RELN: variants seen among roughly 807,000 people sequenced by gnomAD.
The protein encoded by RELN is reelin.
Under a neutral mutation model 427.6 loss-of-function variants are expected in RELN, and 108 were observed. The observed-to-expected ratio is 0.25, with a 90% CI of 0.22 to 0.30. RELN has a LOEUF of 0.30. RELN is among the 10% of genes least tolerant of loss of function. RELN has a pLI of 1.00. For missense variants in RELN, 3,715 were observed against 4,302.8 expected (o/e 0.86, Z 3.82); for synonymous variants, 1,524 against 1,513.4 (o/e 1.01, Z -0.16).
chr7:103,981,644 A>G (rs1194412042), intron 1 of RELN, among the ~76,000 whole-genome samples: 1 of 152,210 alleles, frequency 6.6e-6, no homozygotes, highest in East Asian at 1.9e-4. Flanking sequence ...TTCTCACAAT[A>G]CAAGAAGTCC....
In RELN at chr7:103,651,850, G is replaced by T. The variant is rs1832922412; in HGVS notation, c.1764-61C>A. On this transcript the variant is annotated intron_variant, in intron 14 of 64. Transcript: ENST00000428762. ...GGAGGGTAAAGATAACAAATCAAAT[G>T]AAATTTTCAACTCTGGTTAAGTACA... 19 of 1,562,644 alleles carry T rather than the reference G, an allele frequency of 1.2e-5. No individual in the cohort carries two copies. The South Asian group carries it at 2.2e-4, about 18-fold the overall frequency.
intron 51 of RELN, among the ~76,000 whole-genome samples, chr7:103,509,545 A>G (rs1749788540): frequency 6.6e-6 from 1 of 152,228 alleles, no homozygotes; most frequent in Non-Finnish European, 1.5e-5. Context: ...CTAAAACCAT[A>G]AAAACCCTAA....
At chr7:103,912,879 G>A (rs953440786) in intron 2 of RELN, among the ~76,000 whole-genome samples, 1 of 152,054 alleles carries the variant, frequency 6.6e-6, no homozygotes, top group Non-Finnish European at 1.5e-5. Flanking sequence ...AGATTTACAT[G>A]ATTGAGCTGG....
chr7:103,771,940 C>T (rs557998081), intron 4 of RELN, among the ~76,000 whole-genome samples: 15 of 152,268 alleles, frequency 9.9e-5, no homozygotes, highest in African/African-American at 3.1e-4. Flanking sequence ...ACCCCCAACC[C>T]CCATTAGATT....
Position 103,543,402 on chromosome 7 carries a change from T to C in RELN, c.6524-524A>G, listed in dbSNP as rs146513009. ...GGCTCACACCTGTAATCACAGCACT[T>C]TGGGAGGCCGAGGCAGGTGGATCAC... On this transcript the variant is annotated intron_variant, in intron 42 of 64. Coordinates refer to ENST00000428762, the MANE Select transcript of RELN (RefSeq NM_005045.4). Among the ~76,000 whole-genome samples, 804 of 152,266 alleles carry C rather than the reference T, an allele frequency of 5.3e-3. 10 individuals carry two copies. The highest frequency in any genetic ancestry group is 0.018 in the African/African-American group (765 of 41,550).
chr7:103,756,290 T>A (rs1791150431), intron 4 of RELN, among the ~76,000 whole-genome samples: 1 of 152,194 alleles, frequency 6.6e-6, no homozygotes, highest in South Asian at 2.1e-4. Context: ...TGAGTCAGAA[T>A]CTCTGAGGGT....
chr7:103,589,048 A>T (rs1362631405), intron 28 of RELN, among the ~76,000 whole-genome samples: 1 of 152,194 alleles, frequency 6.6e-6, no homozygotes, highest in Admixed American at 6.5e-5. Context: ...AAATATTGAA[A>T]AACTTTCTCA....
chr7:103,566,596 C>T lies in RELN; in HGVS notation c.4747+5G>A, dbSNP rs1304484429. ...ACCAGAAAGCTGGAGTGAGCAGTAA[C>T]TTACCATGTTGCGGTTGCCACCATC... On this transcript the variant is annotated splice_donor_5th_base_variant and intron_variant, in intron 32 of 64. Coordinates refer to ENST00000428762, the MANE Select transcript of RELN (RefSeq NM_005045.4). The T allele has an allele frequency of 1.9e-6, 3 of 1,613,986 alleles. No homozygotes were observed. The highest frequency in any genetic ancestry group is 2.5e-6 in the Non-Finnish European group (3 of 1,180,014).
intron 47 of RELN, 152 bp from the exon 48 acceptor site, chr7:103,522,351 TA>T (rs1829728477): frequency 1.4e-6 from 1 of 725,728 alleles, no homozygotes; most frequent in African/African-American, 1.8e-5. Flanking sequence ...CTGCTCTCCT[TA>T]ACTGTACTTT....
intron 8 of RELN, among the ~76,000 whole-genome samples, chr7:103,721,248 ATCTCTCTC>A (rs4006770): frequency 4.1e-5 from 6 of 145,358 alleles, no homozygotes; most frequent in Non-Finnish European, 7.6e-5. Flanking sequence ...TCTCCTTGCC[ATCTCTCTC>A]TCTCTCTCTC....
chr7:103,645,596 T>C (rs1264300605), intron 16 of RELN, among the ~76,000 whole-genome samples: 1 of 151,848 alleles, frequency 6.6e-6, no homozygotes. Flanking sequence ...TAAATACATA[T>C]GCACCCAACA....
chr7:103,835,612 A>G (rs527983575), intron 2 of RELN, among the ~76,000 whole-genome samples: 112 of 152,336 alleles, frequency 7.4e-4, no homozygotes, highest in African/African-American at 2.5e-3. Flanking sequence ...AGCTTCTCTA[A>G]AAAATAAGTT....
intron 49 of RELN, 122 bp from the exon 50 acceptor site, chr7:103,515,563 A>C (rs1829546157): frequency 6.2e-6 from 8 of 1,282,824 alleles, no homozygotes; most frequent in Admixed American, 2.2e-5. Flanking sequence ...GGAAGGACAT[A>C]AGCTAAAATA....
At position 103,897,088 on chromosome 7, in the gene RELN, T is replaced by C. The variant is rs796922203; in HGVS notation, c.337+19987A>G. Among the ~76,000 whole-genome samples, 24 of 152,076 alleles carry C rather than the reference T, an allele frequency of 1.6e-4. No individual in the cohort carries two copies. In the South Asian group the frequency reaches 4.6e-3, roughly 29 times the overall value. ...CAGATCTCATGAGACCTATTCACTATCACAAGAACAGCATAGAAAAAACCC... is the reference window on the plus strand; with the variant it reads ...CAGATCTCATGAGACCTATTCACTACCACAAGAACAGCATAGAAAAAACCC... On this transcript the variant is annotated intron_variant, in intron 2 of 64. Coordinates refer to ENST00000428762, the MANE Select transcript of RELN (RefSeq NM_005045.4).
At chr7:103,726,775 G>T (rs1187345035) in intron 7 of RELN, among the ~76,000 whole-genome samples, 5 of 151,994 alleles carry the variant, frequency 3.3e-5, no homozygotes, top group African/African-American at 1.2e-4. Context: ...TTTGTGTTAA[G>T]GTTTATAGAT....
In RELN at chr7:103,663,895, T is replaced by C. The variant is rs548565340; in HGVS notation, c.1290-2368A>G. Among the ~76,000 whole-genome samples the C allele has an allele frequency of 5.9e-5, 9 of 152,044 alleles. No individual in the cohort carries two copies. The East Asian group carries it at 1.8e-3, about 30-fold the overall frequency. On this transcript the variant is annotated intron_variant, in intron 11 of 64. Coordinates refer to ENST00000428762, the MANE Select transcript of RELN (RefSeq NM_005045.4). Reference sequence around the variant, plus strand: ...GATTCGCAGGCCTAAATGGATGGTCTTATATAGAGGACTGACCTCTATGGC... The same window carrying C: ...GATTCGCAGGCCTAAATGGATGGTCCTATATAGAGGACTGACCTCTATGGC...
chr7:103,926,242 G>A (rs886555556), intron 1 of RELN, among the ~76,000 whole-genome samples: 2 of 151,216 alleles, frequency 1.3e-5, no homozygotes, highest in African/African-American at 2.4e-5. Context: ...CTGGGACTAC[G>A]GGTACGTGCC....
chr7:103,551,453 T>G (rs1307759327), intron 40 of RELN, among the ~76,000 whole-genome samples, 157 bp from the exon 41 acceptor site: 1 of 152,206 alleles, frequency 6.6e-6, no homozygotes, highest in Non-Finnish European at 1.5e-5. Flanking sequence ...TGAGTAATAT[T>G]GTATATTACC....
chr7:103,777,915 A>ACACT (rs1554417542), intron 3 of RELN, among the ~76,000 whole-genome samples: 1 of 151,380 alleles, frequency 6.6e-6, no homozygotes, highest in Non-Finnish European at 1.5e-5. Flanking sequence ...ACACACACAC[A>ACACT]ATGGCACAAT....
Sources: allele counts gnomAD v4.1 joint callset (sites outside exome capture counted in the v4.1 genomes callset), GRCh38; gene constraint gnomAD v4.1.1; transcripts MANE v1.5; gene names NCBI Gene and HGNC (gene_info 2026-07-23, HGNC 2026-07-21).